BAZ2B: variants seen among roughly 807,000 people sequenced by gnomAD.
BAZ2B encodes the protein bromodomain adjacent to zinc finger domain 2B, also known as bromodomain adjacent to zinc finger domain protein 2B.
A neutral mutation model predicts 246.0 loss-of-function variants in BAZ2B; 91 were observed. That is an observed-to-expected ratio of 0.37 (90% CI 0.31 to 0.44). The LOEUF (loss-of-function observed/expected upper bound fraction) is 0.44, where lower values mean the gene tolerates loss of function less well. Ranked by LOEUF, BAZ2B falls within the 20% of genes least tolerant of loss-of-function variation. The pLI, the probability that BAZ2B is intolerant of heterozygous loss-of-function variation, is 1.00. For missense variants in BAZ2B, 2,332 were observed against 2,533.7 expected, an observed-to-expected ratio of 0.92 and a Z score of 1.71; for synonymous variants, 855 against 860.0, an observed-to-expected ratio of 0.99 and a Z score of 0.10.
chr2:159,432,995 A>C lies in BAZ2B; in HGVS notation c.1662T>G (p.Ser554=), dbSNP rs2071425629. The C allele has an allele frequency of 6.2e-7, 1 of 1,614,090 alleles. No individual in the cohort carries two copies. Among genetic ancestry groups the C allele is most frequent in the African/African-American group, 1.3e-5 (1 of 74,926 alleles). The change falls in exon 9 of 37, where the codon TCT becomes TCG. Residue 554 remains serine, a synonymous_variant. Transcript: ENST00000392783. ...CTTGACTATGCAGGATGGGAGAGGCAGAGGGCATTACAGGTGTCTGATTGC... is the reference window on the plus strand; with the variant it reads ...CTTGACTATGCAGGATGGGAGAGGCCGAGGGCATTACAGGTGTCTGATTGC... The part of the protein sequence containing the change: ...TPGNQTPVMP[S]ASPILHSQGK...
Position 159,439,106 on chromosome 2 carries a change from A to G in BAZ2B, c.803T>C (p.Leu268Pro). Residue 268 changes from leucine to proline, a missense_variant, in exon 7 of 37, where the codon CTA becomes CCA. Around this residue, in one of 9 missense-constraint regions of BAZ2B, gnomAD observed 161 missense variants for 225.8 expected, o/e 0.71. Coordinates refer to ENST00000392783, the MANE Select transcript of BAZ2B (RefSeq NM_013450.4). ...ATCTTCTTCTTCTTCATCTTCTTCTAGATCATCTGAATCACTGCTACTAAT... is the reference window on the plus strand; with the variant it reads ...ATCTTCTTCTTCTTCATCTTCTTCTGGATCATCTGAATCACTGCTACTAAT... ...EGISSSDSDD[L>P]EEDEEEEDQS... The G allele has an allele frequency of 6.2e-7, 1 of 1,613,884 alleles. No individual in the cohort carries two copies. The highest frequency in any genetic ancestry group is 8.5e-7 in the Non-Finnish European group (1 of 1,179,926).
At chr2:159,711,589 C>T in the BAZ2B span, among the ~76,000 whole-genome samples, 1 of 152,176 alleles carries the variant, frequency 6.6e-6, no homozygotes, top group African/African-American at 2.4e-5. Context: ...TTTCAGTATT[C>T]TTCCAAGTTT....
At chr2:159,408,212 T>C (rs1433220923) in intron 14 of BAZ2B, among the ~76,000 whole-genome samples, 1 of 152,192 alleles carries the variant, frequency 6.6e-6, no homozygotes, top group Non-Finnish European at 1.5e-5. Context: ...AAGGTCTTAT[T>C]CTGTGACCCA....
intron 2 of BAZ2B, among the ~76,000 whole-genome samples, chr2:159,505,268 C>T (rs964957737): frequency 1.3e-5 from 2 of 152,100 alleles, no homozygotes; most frequent in African/African-American, 4.8e-5. Context: ...TTTTTTACTT[C>T]ATAAACAAGT....
chr2:159,446,374 G>A (rs545701961), intron 6 of BAZ2B, among the ~76,000 whole-genome samples: 1 of 152,156 alleles, frequency 6.6e-6, no homozygotes, highest in Non-Finnish European at 1.5e-5. Context: ...TTGTATATTT[G>A]AAAGTTTCCA....
chr2:159,623,101 G>GAGGGA, the BAZ2B span, among the ~76,000 whole-genome samples: 46 of 149,582 alleles, frequency 3.1e-4, no homozygotes, highest in Non-Finnish European at 4.5e-5. Context: ...GGAGAGGGGA[G>GAGGGA]AGGGAAGGGA....
intron 2 of BAZ2B, among the ~76,000 whole-genome samples, chr2:159,544,618 T>C (rs924182479): frequency 2.6e-5 from 4 of 152,140 alleles, no homozygotes; most frequent in Non-Finnish European, 5.9e-5. Context: ...GGTTCTGCAA[T>C]TTAAAAGAGA....
intron 14 of BAZ2B, among the ~76,000 whole-genome samples, chr2:159,406,953 A>G: frequency 6.6e-6 from 1 of 151,628 alleles, no homozygotes; most frequent in South Asian, 2.1e-4. Flanking sequence ...ACGGGGTTTC[A>G]CCGTGTTAGA....
At chr2:159,354,851 T>C (rs1453978764) in intron 27 of BAZ2B, among the ~76,000 whole-genome samples, 13 of 152,112 alleles carry the variant, frequency 8.5e-5, no homozygotes, top group African/African-American at 2.9e-4. Context: ...AGAGAGAAAA[T>C]TGGAAGTACT....
Position 159,438,531 on chromosome 2 carries a change from T to C in BAZ2B, c.1065A>G (p.Pro355=), listed in dbSNP as rs1481797656. 6 of 1,614,122 alleles carry C rather than the reference T, an allele frequency of 3.7e-6. No homozygotes were observed. The highest frequency in any genetic ancestry group is 1.3e-5 in the African/African-American group (1 of 75,052). Residue 355 remains proline (P), a synonymous_variant, in exon 8 of 37, where the codon CCA becomes CCG. Transcript: ENST00000392783. ...KQPQVLSQQL[P]FIFQSSQAKE... Reference sequence around the variant, plus strand: ...TTGCCTGAGAGCTTTGGAAAATAAATGGAAGCTGCTGTGACAAAACCTGAG... The same window carrying C: ...TTGCCTGAGAGCTTTGGAAAATAAACGGAAGCTGCTGTGACAAAACCTGAG...
chr2:159,556,628 C>T (rs1252723899), intron 1 of BAZ2B, among the ~76,000 whole-genome samples: 1 of 150,792 alleles, frequency 6.6e-6, no homozygotes, highest in African/African-American at 2.5e-5. Context: ...ACCCAGCTAA[C>T]TTTTTGTATT....
intron 27 of BAZ2B, among the ~76,000 whole-genome samples, chr2:159,365,228 G>A (rs904210929): frequency 9.9e-5 from 15 of 152,172 alleles, no homozygotes; most frequent in East Asian, 1.9e-4. Context: ...TTCTAGGCTC[G>A]TTCTTAACCA....
In BAZ2B at chr2:159,325,662, G is replaced by A. The variant is rs751028727; in HGVS notation, c.6200C>T (p.Ala2067Val). The A allele has an allele frequency of 2.6e-5, 42 of 1,585,548 alleles. No individual in the cohort carries two copies. Among genetic ancestry groups the A allele is most frequent in the Middle Eastern group, 1.7e-4 (1 of 5,938 alleles). The change falls in exon 35 of 37, where the codon GCT (alanine) becomes GTT (valine). Residue 2067 changes from alanine to valine, a missense_variant. Ala to Val is a moderately conservative substitution (Grantham distance 64). Coordinates refer to ENST00000392783, the MANE Select transcript of BAZ2B (RefSeq NM_013450.4). Reference sequence around the variant, plus strand: ...AAAACGGAAATAATACCTGCAAAGAGCTAGGTCCTTGGAGTCATCTCTTTT... The same window carrying A: ...AAAACGGAAATAATACCTGCAAAGAACTAGGTCCTTGGAGTCATCTCTTTT... The part of the protein sequence containing the change: ...KPKRDDSKDL[A>V]LCSMILTEME...
At chr2:159,619,612 A>G (rs1031696508), upstream of BAZ2B, among the ~76,000 whole-genome samples, 1 of 151,480 alleles carries the variant, frequency 6.6e-6, no homozygotes, top group Non-Finnish European at 1.5e-5. Flanking sequence ...TAATTCAGAT[A>G]TACAAATTAA....
chr2:159,348,436 C>T (rs1183026410), intron 30 of BAZ2B, among the ~76,000 whole-genome samples: 1 of 150,262 alleles, frequency 6.7e-6, no homozygotes, highest in Non-Finnish European at 1.5e-5. Flanking sequence ...AATGTAGATG[C>T]TATGGAAATA....
At chr2:159,539,294 C>T (rs2086376023) in intron 2 of BAZ2B, among the ~76,000 whole-genome samples, 2 of 152,146 alleles carry the variant, frequency 1.3e-5, no homozygotes, top group African/African-American at 4.8e-5. Context: ...TCAAAAAGAA[C>T]ATAATGCTTA....
chr2:159,680,831 A>C, the BAZ2B span, among the ~76,000 whole-genome samples: 1 of 152,228 alleles, frequency 6.6e-6, no homozygotes, highest in Non-Finnish European at 1.5e-5. Context: ...CCCGGGATCC[A>C]GTTCTGTGGA....
intron 3 of BAZ2B, chr2:159,462,933 G>C: frequency 2.9e-6 from 4 of 1,386,592 alleles, no homozygotes; most frequent in Non-Finnish European, 3.1e-6. Context: ...TTTTGGCTGG[G>C]GGTCACTTGC....
chr2:159,574,427 G>A (rs1430363554), intron 1 of BAZ2B, among the ~76,000 whole-genome samples: 1 of 152,126 alleles, frequency 6.6e-6, no homozygotes, highest in Non-Finnish European at 1.5e-5. Flanking sequence ...ATGCCAGTGG[G>A]ATTGCAAAAC....
Sources: gnomAD v4.1 joint callset for allele counts (sites outside exome capture counted in the v4.1 genomes callset) on GRCh38, gnomAD v4.1.1 for gene constraint, gnomAD v4.1.1 regional missense constraint, MANE v1.5 for transcripts, NCBI Gene and HGNC (gene_info 2026-07-23, HGNC 2026-07-21) for gene names.